BTNL2: variants seen among roughly 807,000 people sequenced by gnomAD.
BTNL2 encodes the protein butyrophilin like 2.
In BTNL2, 46 loss-of-function variants were observed where a neutral mutation model predicts 46.8. That is an observed-to-expected ratio of 0.98 (90% confidence interval 0.78 to 1.26). The LOEUF is 1.26. Among genes scored for constraint, BTNL2 ranks in the 50% most tolerant of loss-of-function variants. The probability of loss-of-function intolerance (pLI) is 0.00; values close to 1 mark genes in which losing one functional copy is unlikely to be tolerated. For synonymous variants in BTNL2, 226 were observed against 229.1 expected, an observed-to-expected ratio of 0.99 and a Z score of 0.12; for missense variants, 461 against 592.6, an observed-to-expected ratio of 0.78 and a Z score of 2.31.
At chr6:32,401,651 T>G (rs117335692) in intron 4 of BTNL2, 134 bp downstream of exon 4, 12,030 of 746,172 alleles carry the variant, frequency 0.016, 631 homozygotes, top group East Asian at 0.15. Flanking sequence ...CTCTGGTATT[T>G]AATGAACATA....
intron 3 of BTNL2, 107 bp downstream of exon 3, chr6:32,402,828 T>C: frequency 8.6e-7 from 1 of 1,163,212 alleles, no homozygotes; most frequent in East Asian, 2.6e-5. Flanking sequence ...TACATATTGC[T>C]ATATGATAGA....
intron 1 of BTNL2, 72 bp from the exon 2 acceptor site, chr6:32,405,358 A>G: frequency 7.0e-7 from 1 of 1,430,952 alleles, no homozygotes; most frequent in Non-Finnish European, 9.7e-7. Flanking sequence ...TGGGGTGTCC[A>G]GCCTGTCAAA....
chr6:32,403,634 G>T (rs777292191), intron 2 of BTNL2: 16,460 of 168,044 alleles, frequency 0.098, 974 homozygotes, highest in East Asian at 0.18. Flanking sequence ...CAATTTGATT[G>T]AAGATTTAAC....
intron 3 of BTNL2, 45 bp downstream of exon 3, chr6:32,402,890 C>G (rs532229607): frequency 6.3e-7 from 1 of 1,592,050 alleles, no homozygotes; most frequent in Non-Finnish European, 8.6e-7. Context: ...CCTGGGACCT[C>G]TCCTGCTGAT....
At position 32,405,005 on chromosome 6, in the gene BTNL2, G is replaced by A. The variant is rs776065967; in HGVS notation, c.361C>T (p.Gln121Ter). The change falls in exon 2 of 8, where the codon CAA becomes TAA. Residue 121 changes from glutamine (Q) to a stop codon, truncating the protein, a stop_gained. Coordinates refer to ENST00000454136, the MANE Select transcript of BTNL2 (RefSeq NM_001304561.2). LOFTEE classifies it high-confidence loss of function. Reference protein sequence around the residue: ...IHNIQPSDNGQYWCHFQDGNY... With the variant: ...IHNIQPSDNG ...CCATCCTGGAAATGGCACCAGTATT[G>A]TCCATTGTCGGAGGGCTGGATGTTG... 3.0e-5 allele frequency: 49 copies of A among 1,612,968 alleles called. 1 individual carries two copies. The South Asian group carries it at 5.3e-4, about 17-fold the overall frequency.
At chr6:32,397,507 A>T (rs62402758) in intron 4 of BTNL2, among the ~76,000 whole-genome samples, 27,069 of 152,106 alleles carry the variant, frequency 0.18, 2,695 homozygotes, top group East Asian at 0.22. Flanking sequence ...TCCTTTTCTC[A>T]GTTAGACTCT....
intron 4 of BTNL2, among the ~76,000 whole-genome samples, chr6:32,397,926 G>A (rs753077782): frequency 2.6e-5 from 4 of 152,218 alleles, no homozygotes; most frequent in Non-Finnish European, 4.4e-5. Flanking sequence ...CATAGGTGGA[G>A]TTATAGACAC....
chr6:32,397,485 G>T lies in BTNL2; in HGVS notation c.731-1099C>A, dbSNP rs137977546. On this transcript the variant is annotated intron_variant, in intron 4 of 7. Coordinates refer to ENST00000454136, the MANE Select transcript of BTNL2 (RefSeq NM_001304561.2). ...CCGTTCTGATTCTGAGGGATGGCTT[G>T]TTTATGAGTCATCCTTTTCTCAGTT... Among the ~76,000 whole-genome samples the T allele has an allele frequency of 5.3e-3, 810 of 152,294 alleles. 9 individuals are homozygous for T. The highest frequency in any genetic ancestry group is 0.018 in the African/African-American group (765 of 41,554).
At position 32,394,906 on chromosome 6, in the gene BTNL2, T is replaced by C; in HGVS notation, c.1198A>G (p.Lys400Glu). 1 of 1,614,220 alleles carries C rather than the reference T, an allele frequency of 6.2e-7. No individual in the cohort carries two copies. The highest frequency in any genetic ancestry group is 8.5e-7 in the Non-Finnish European group (1 of 1,180,026). Residue 400 changes from lysine (K) to glutamate (E), a missense_variant, in exon 6 of 8, where the codon AAG (lysine) becomes GAG (glutamate). Coordinates refer to ENST00000454136, the MANE Select transcript of BTNL2 (RefSeq NM_001304561.2). This position sits in a 1 kb window ranked among gnomAD's most constrained non-coding sequence, Gnocchi z 4.6. ...GCCTGGGAAGATGATGGTATCGTCT[T>C]TCCTTCCATGTCCCTCCATGGCACG... ...PHVPWRDMEG[K>E]TIPSSSQALT...
At chr6:32,405,814 T>TG (rs376369580) in intron 1 of BTNL2, among the ~76,000 whole-genome samples, 2 of 74,706 alleles carry the variant, frequency 2.7e-5, no homozygotes, top group African/African-American at 8.5e-5. Context: ...ACTGTTTTTT[T>TG]TTTGTTTTTT....
intron 5 of BTNL2, 93 bp downstream of exon 5, chr6:32,395,946 A>G (rs1776419909): frequency 5.6e-6 from 6 of 1,067,998 alleles, no homozygotes; most frequent in African/African-American, 1.6e-5. Flanking sequence ...AGCATTAAGA[A>G]AATTTCAAAT....
At position 32,399,763 on chromosome 6, in the gene BTNL2, A is replaced by G. The variant is rs889334554; in HGVS notation, c.730+2022T>C. Among the ~76,000 whole-genome samples, 3 of 152,240 alleles carry G rather than the reference A, an allele frequency of 2.0e-5. No individual in the cohort carries two copies. Among genetic ancestry groups the G allele is most frequent in the East Asian group, 1.9e-4 (1 of 5,204 alleles). On this transcript the variant is annotated intron_variant, in intron 4 of 7. Transcript: ENST00000454136. This position sits in a 1 kb window ranked among gnomAD's most constrained non-coding sequence, Gnocchi z 5.2. ...TATTCAGCATCGTGCCTGGCATACA[A>G]TTAATATTTTTAAAAACTATTATTT...
chr6:32,395,145 G>GCGGCGACCACCGA, intron 5 of BTNL2, 120 bp from the exon 6 acceptor site: 1 of 972,426 alleles, frequency 1.0e-6, no homozygotes, highest in Non-Finnish European at 1.5e-6. Flanking sequence ...AGCTTAAGGG[G>GCGGCGACCACCGA]GATTGCACTC....
chr6:32,403,456 A>G (rs921491585), intron 2 of BTNL2, among the ~76,000 whole-genome samples: 1 of 152,334 alleles, frequency 6.6e-6, no homozygotes, highest in African/African-American at 2.4e-5. Context: ...AGAAAGGGGA[A>G]TCGGAGAAGG....
At chr6:32,403,334 C>T in intron 2 of BTNL2, 118 bp from the exon 3 acceptor site, 1 of 1,143,710 alleles carries the variant, frequency 8.7e-7, no homozygotes, top group Non-Finnish European at 1.2e-6. Flanking sequence ...GTCTGAGGAG[C>T]AGAAAGTCGA....
intron 3 of BTNL2, 111 bp from the exon 4 acceptor site, chr6:32,401,916 A>AT: frequency 1.2e-6 from 1 of 803,790 alleles, no homozygotes; most frequent in Non-Finnish European, 1.8e-6. Flanking sequence ...AGCTCAATTC[A>AT]TTAAAAAAAT....
In BTNL2 at chr6:32,401,207, C is replaced by CAAAAAAAAAAAAAAAAAAAAA. The variant is rs9279632; in HGVS notation, c.730+557_730+577dup. On this transcript the variant is annotated intron_variant, in intron 4 of 7. Coordinates refer to ENST00000454136, the MANE Select transcript of BTNL2 (RefSeq NM_001304561.2). Reference sequence around the variant, plus strand: ...TGGGCGACAGAGCAAGACTCCGTCTCAAAAAAAAAAAAAAAAAAAAAAAAA... The same window carrying CAAAAAAAAAAAAAAAAAAAAA: ...TGGGCGACAGAGCAAGACTCCGTCTCAAAAAAAAAAAAAAAAAAAAAAAAAAAAAAAAAAAAAAAAAAAAAA... Among the ~76,000 whole-genome samples the CAAAAAAAAAAAAAAAAAAAAA allele has an allele frequency of 2.1e-4, 8 of 38,914 alleles. 1 individual carries two copies. Among genetic ancestry groups the CAAAAAAAAAAAAAAAAAAAAA allele is most frequent in the Admixed American group, 4.8e-4 (1 of 2,068 alleles). 25.5% of individuals were successfully genotyped at this position (38,914 alleles called of 152,430 possible).
At chr6:32,395,190 A>G (rs117239388) in intron 5 of BTNL2, among the ~76,000 whole-genome samples, 165 bp from the exon 6 acceptor site, 1,864 of 150,496 alleles carry the variant, frequency 0.012, 69 homozygotes, top group East Asian at 0.11. Context: ...GCATTTTCTT[A>G]TTTTGTTTGT....
rs752602511 is a variant in BTNL2, at chr6:32,405,275, C to T, written c.91G>A (p.Val31Ile). The change falls in exon 2 of 8, where the codon GTC becomes ATC. Residue 31 changes from valine to isoleucine, a missense_variant. By Grantham distance (29) the Val-to-Ile change is conservative. Coordinates refer to ENST00000454136, the MANE Select transcript of BTNL2 (RefSeq NM_001304561.2). ...LTMKQSEDFR[V>I]IGPAHPILAG... is the part of the protein sequence containing the mutation. ...AGGATAGGATGAGCAGGGCCAATGA[C>T]TCTAAAGTCTTCTATAAAATAAGTG... is the stretch of plus-strand genomic sequence containing the variant. 6.2e-7 allele frequency: 1 copy of T among 1,612,840 alleles called. No homozygotes were observed.
Sources: gnomAD v4.1 joint callset for allele counts (sites outside exome capture counted in the v4.1 genomes callset) on GRCh38, gnomAD v4.1.1 for gene constraint, Gnocchi (gnomAD v3.1) non-coding constraint, MANE v1.5 for transcripts, NCBI Gene and HGNC (gene_info 2026-07-23, HGNC 2026-07-21) for gene names.